Variants in CCDC110 observed in about 807,000 individuals in gnomAD.
CCDC110 encodes the protein coiled-coil domain containing 110.
A neutral mutation model predicts 77.1 loss-of-function variants in CCDC110; 70 were observed. The observed-to-expected ratio is 0.91, with a 90% CI of 0.75 to 1.11. CCDC110 has a LOEUF of 1.11. Ranked by LOEUF, CCDC110 falls within the 50% of genes least tolerant of loss-of-function variation. The probability of loss-of-function intolerance (pLI) is 0.00; values close to 1 mark genes in which losing one functional copy is unlikely to be tolerated. For missense variants in CCDC110, 868 were observed against 942.9 expected, an observed-to-expected ratio of 0.92 and a Z score of 1.04; for synonymous variants, 295 against 312.5, an observed-to-expected ratio of 0.94 and a Z score of 0.59.
At chr4:185,450,826 T>C (rs2095627922) in intron 6 of CCDC110, among the ~76,000 whole-genome samples, 1 of 152,090 alleles carries the variant, frequency 6.6e-6, no homozygotes, top group Non-Finnish European at 1.5e-5. Flanking sequence ...ATAGCCCTCA[T>C]TCACCAGGGG....
intron 6 of CCDC110, chr4:185,449,575 G>A: frequency 6.8e-7 from 1 of 1,475,288 alleles, no homozygotes; most frequent in Non-Finnish European, 9.2e-7. Context: ...AAATTAATGT[G>A]TGTTTATTTT....
intron 6 of CCDC110, among the ~76,000 whole-genome samples, chr4:185,447,777 C>T (rs1028063853): frequency 5.9e-5 from 9 of 152,106 alleles, no homozygotes; most frequent in Non-Finnish European, 7.4e-5. Flanking sequence ...AAAATAACCA[C>T]CCCCCAAACT....
chr4:185,459,739 A>G lies in CCDC110; in HGVS notation c.848T>C (p.Met283Thr), dbSNP rs111653473. ...PDVHRNGKYDMSPIHQDKMNF... is the reference protein window; with the variant it reads ...PDVHRNGKYDTSPIHQDKMNF... ...CATTTTATCCTGGTGAATAGGGGAC[A>G]TGTCATATTTACCATTCCTGTGAAC... Residue 283 changes from methionine to threonine, a missense_variant, in exon 6 of 7, where the codon ATG becomes ACG. By Grantham distance (81) the Met-to-Thr change is moderately conservative (BLOSUM62 -1). Transcript: ENST00000307588. 713 of 1,613,730 alleles carry G rather than the reference A, an allele frequency of 4.4e-4. 1 individual carries two copies. In the African/African-American group the frequency reaches 7.8e-3, roughly 18 times the overall value.
At chr4:185,469,748 G>A (rs774067756) in intron 2 of CCDC110, among the ~76,000 whole-genome samples, 12 of 152,204 alleles carry the variant, frequency 7.9e-5, no homozygotes, top group Non-Finnish European at 1.2e-4. Flanking sequence ...CTGGGCACCC[G>A]GGTGTCTTCT....
At chr4:185,466,934 G>A (rs186028706) in intron 2 of CCDC110, among the ~76,000 whole-genome samples, 24 of 152,222 alleles carry the variant, frequency 1.6e-4, no homozygotes, top group East Asian at 1.4e-3. Flanking sequence ...CAATTCTTCC[G>A]TTGAAATGGG....
At chr4:185,470,020 C>T (rs963713250) in intron 2 of CCDC110, among the ~76,000 whole-genome samples, 9 of 152,146 alleles carry the variant, frequency 5.9e-5, no homozygotes, top group African/African-American at 9.7e-5. Flanking sequence ...CTCTGAGAGG[C>T]GTGTAGTCAG....
rs115853860 is a variant in CCDC110, at chr4:185,458,712, C to T, written c.1875G>A (p.Thr625=). ...QLKEKERLAK[T]EQETLLQIIE... ...TTATTTGAAGAAGTGTCTCTTGTTC[C>T]GTTTTTGCCAATCTTTCTTTCTCTT... The change falls in exon 6 of 7, where the codon ACG becomes ACA. Residue 625 remains threonine, a synonymous_variant. Coordinates refer to ENST00000307588, the MANE Select transcript of CCDC110 (RefSeq NM_152775.4). The T allele has an allele frequency of 6.5e-4, 1,036 of 1,603,866 alleles. 4 individuals carry two copies. The African/African-American group carries it at 0.012, about 18-fold the overall frequency.
intron 2 of CCDC110, among the ~76,000 whole-genome samples, chr4:185,467,042 T>C (rs940052309): frequency 6.6e-6 from 1 of 152,222 alleles, no homozygotes; most frequent in African/African-American, 2.4e-5. Flanking sequence ...TGGGACCATG[T>C]TATGAGTGGA....
chr4:185,470,372 A>G lies in CCDC110; in HGVS notation c.115+573T>C, dbSNP rs541934668. ...AAATCATCTCTCGATTACTTGTAAT[A>G]CCTTATACAATGTAAATGCTATGTA... is the stretch of plus-strand genomic sequence containing the variant. On this transcript the variant is annotated intron_variant, in intron 2 of 6. Transcript: ENST00000307588. Among the ~76,000 whole-genome samples, 6 of 152,286 alleles carry G rather than the reference A, an allele frequency of 3.9e-5. No homozygotes were observed. The South Asian group carries it at 1.0e-3, about 26-fold the overall frequency.
intron 2 of CCDC110, chr4:185,470,622 A>G (rs1182725992): frequency 6.0e-6 from 3 of 496,024 alleles, no homozygotes; most frequent in African/African-American, 5.8e-5. Context: ...GGTGGTGAAG[A>G]CAGGCAGTCC....
intron 2 of CCDC110, among the ~76,000 whole-genome samples, chr4:185,463,407 A>G (rs2095649996): frequency 6.6e-6 from 1 of 152,232 alleles, no homozygotes; most frequent in African/African-American, 2.4e-5. Context: ...AGTAGTATAC[A>G]GGCCTCAATT....
At chr4:185,449,432 G>A (rs2095624723) in intron 6 of CCDC110, among the ~76,000 whole-genome samples, 1 of 151,934 alleles carries the variant, frequency 6.6e-6, no homozygotes, top group Non-Finnish European at 1.5e-5. Context: ...GAGGCAGGAG[G>A]ATTGCCTAAA....
chr4:185,458,448 T>C lies in CCDC110; in HGVS notation c.2139A>G (p.Thr713=), dbSNP rs199919515. The C allele has an allele frequency of 6.3e-7, 1 of 1,598,730 alleles. No homozygotes were observed. Among genetic ancestry groups the C allele is most frequent in the Non-Finnish European group, 8.5e-7 (1 of 1,174,932 alleles). ...MLSKMVMETK[T]DNQILKEELK... ...GTTCTTCTTTTAGAATCTGATTATC[T>C]GTTTTGGTTTCCATTACCATTTTTG... The change falls in exon 6 of 7, where the codon ACA becomes ACG. Residue 713 remains threonine (T), a synonymous_variant. Coordinates refer to ENST00000307588, the MANE Select transcript of CCDC110 (RefSeq NM_152775.4).
chr4:185,449,419 G>A (rs2095624658), intron 6 of CCDC110, among the ~76,000 whole-genome samples: 1 of 151,992 alleles, frequency 6.6e-6, no homozygotes. Flanking sequence ...TACTTGGGCG[G>A]CCGAGGCAGG....
At chr4:185,452,118 T>TA (rs1195798293) in intron 6 of CCDC110, 1 of 855,234 alleles carries the variant, frequency 1.2e-6, no homozygotes, top group Non-Finnish European at 1.4e-6. Flanking sequence ...ATTGTTTTCT[T>TA]ACAATTGTTG....
chr4:185,463,299 C>G (rs985600664), intron 2 of CCDC110, among the ~76,000 whole-genome samples: 7 of 152,298 alleles, frequency 4.6e-5, no homozygotes, highest in African/African-American at 1.7e-4. Context: ...ACACTTAGAA[C>G]TCTCAAAAAC....
intron 6 of CCDC110, among the ~76,000 whole-genome samples, chr4:185,455,322 T>C (rs2095634465): frequency 6.6e-6 from 1 of 152,232 alleles, no homozygotes; most frequent in South Asian, 2.1e-4. Context: ...TATTTGATTT[T>C]CAGGATTTAG....
Position 185,460,915 on chromosome 4 carries a change from C to T in CCDC110, c.348+134G>A, listed in dbSNP as rs563265602. The stretch of plus-strand genomic sequence containing the variant: ...ACACATCTTTTAAGGTTTTCAGGAC[C>T]GGAGTTTCCTTATTTTCATCTCTGA... On this transcript the variant is annotated intron_variant, in intron 5 of 6. Transcript: ENST00000307588. The T allele has an allele frequency of 3.6e-5, 22 of 610,030 alleles. 1 individual carries two copies. The highest frequency in any genetic ancestry group is 4.0e-4 in the Middle Eastern group (1 of 2,484). 37.8% of individuals were successfully genotyped at this position (610,030 alleles called of 1,614,324 possible).
chr4:185,456,340 T>C (rs944931241), intron 6 of CCDC110, among the ~76,000 whole-genome samples: 1 of 152,130 alleles, frequency 6.6e-6, no homozygotes, highest in Non-Finnish European at 1.5e-5. Context: ...ATGCTATTAA[T>C]GCAGGTACGA....
Sources: allele counts gnomAD v4.1 joint callset (sites outside exome capture counted in the v4.1 genomes callset), GRCh38; gene constraint gnomAD v4.1.1; transcripts MANE v1.5; gene names NCBI Gene and HGNC (gene_info 2026-07-23, HGNC 2026-07-21).